CMC2: variants seen among roughly 807,000 people sequenced by gnomAD.
CMC2 encodes the protein COX assembly mitochondrial protein 2 homolog.
Under a neutral mutation model 7.5 loss-of-function variants are expected in CMC2, and 5 were observed. That is an observed-to-expected ratio of 0.66 (90% CI 0.35 to 1.40). The LOEUF is 1.40. CMC2 is among the 40% of genes most tolerant of loss of function. The pLI is 0.04. For synonymous variants in CMC2, 37 were observed against 31.4 expected (o/e 1.18, Z -0.60); for missense variants, 115 against 92.3 (o/e 1.25, Z -1.01).
intron 2 of CMC2, among the ~76,000 whole-genome samples, chr16:80,996,754 G>A (rs913038419): frequency 5.3e-5 from 8 of 152,164 alleles, no homozygotes; most frequent in Non-Finnish European, 7.4e-5. Context: ...ATATTCAACA[G>A]CTATAAAAAT....
intron 2 of CMC2, among the ~76,000 whole-genome samples, chr16:80,987,806 G>C (rs1967655770): frequency 6.6e-6 from 1 of 152,142 alleles, no homozygotes; most frequent in Admixed American, 6.6e-5. Flanking sequence ...CAACAAAAAA[G>C]ACTAAAACAG....
chr16:80,976,152 C>A lies in CMC2; in HGVS notation c.181G>T (p.Glu61Ter). ...EYVENRTKSR[E>*]HGIAMRKKLF... ...TTCTTTCGCATTGCAATGCCATGCT[C>A]CCTGCTCTTGGTCCTGTTTTCTACG... The change falls in exon 4 of 4, where the codon GAG becomes TAG. Residue 61 changes from glutamate (E) to a stop codon, truncating the protein, a stop_gained. Transcript: ENST00000219400. LOFTEE classifies it high-confidence loss of function. The A allele has an allele frequency of 6.2e-7, 1 of 1,606,924 alleles. No homozygotes were observed.
At chr16:80,996,548 T>G (rs1968429613) in intron 2 of CMC2, among the ~76,000 whole-genome samples, 2 of 152,204 alleles carry the variant, frequency 1.3e-5, no homozygotes, top group South Asian at 4.1e-4. Flanking sequence ...ATATCTGACT[T>G]CACATTTTAT....
chr16:80,980,096 ATTTC>A (rs150362503), intron 3 of CMC2, among the ~76,000 whole-genome samples: 3 of 151,758 alleles, frequency 2.0e-5, no homozygotes, highest in Admixed American at 6.6e-5. Flanking sequence ...ATTTTAAGAG[ATTTC>A]TTTGAGACAG....
At chr16:80,978,504 C>T (rs1966869655) in intron 3 of CMC2, 2 of 536,080 alleles carry the variant, frequency 3.7e-6, no homozygotes, top group Admixed American at 6.3e-5. Flanking sequence ...CAATTAACCC[C>T]AAACCAAACA....
At position 80,975,051 on chromosome 16, in the gene CMC2, T is replaced by C. The variant is rs1018829975; in HGVS notation, c.*1042A>G. ...CTGACACCTGACAAGATCAAGCCCC[T>C]GCTGTGACTGCAGCTGGAAGCTGCT... is the stretch of plus-strand genomic sequence containing the variant. On this transcript the variant is annotated 3_prime_UTR_variant, in exon 4 of 4. Coordinates refer to ENST00000219400, the MANE Select transcript of CMC2 (RefSeq NM_020188.5). The C allele has an allele frequency of 2.6e-5, 4 of 152,262 alleles. No homozygotes were observed. Among genetic ancestry groups the C allele is most frequent in the Non-Finnish European group, 4.4e-5 (3 of 68,072 alleles). The allele number at this position is 152,262 out of a possible 1,614,324, so 9.4% of individuals were successfully genotyped here.
intron 3 of CMC2, chr16:80,978,491 G>C (rs186581983): frequency 8.3e-6 from 6 of 723,728 alleles, no homozygotes; most frequent in East Asian, 7.0e-5. Flanking sequence ...CAGAATGAAA[G>C]GCCAATTAAC....
In CMC2 at chr16:80,967,312, CT is replaced by C. The variant is rs1460198450; in HGVS notation, c.*8780del. The C allele has an allele frequency of 6.5e-6, 1 of 152,696 alleles. No individual in the cohort carries two copies. Among genetic ancestry groups the C allele is most frequent in the Non-Finnish European group, 1.5e-5 (1 of 68,452 alleles). The allele number at this position is 152,696 out of a possible 1,614,324, so 9.5% of individuals were successfully genotyped here. ...GAGAATTTTCCTTTAATTGTATCTG[CT>C]TTGAAAAGATATCCTCGTTTTTTGT... On this transcript the variant is annotated 3_prime_UTR_variant, in exon 4 of 4. Transcript: ENST00000219400.
intron 1 of CMC2, among the ~76,000 whole-genome samples, chr16:81,005,425 A>AATAT (rs113325840): frequency 0.14 from 21,207 of 149,340 alleles, 1,622 homozygotes; most frequent in Admixed American, 0.19. Flanking sequence ...ATAAAATTTA[A>AATAT]ATATATATAT....
At chr16:80,988,626 C>A in intron 2 of CMC2, 2 of 699,602 alleles carry the variant, frequency 2.9e-6, no homozygotes, top group East Asian at 2.7e-5. Context: ...AAATTTAAGT[C>A]TCCATACGAT....
chr16:80,997,181 G>T, intron 2 of CMC2, 133 bp downstream of exon 2: 1 of 651,466 alleles, frequency 1.5e-6, no homozygotes, highest in Non-Finnish European at 2.8e-6. Flanking sequence ...CATATCAACT[G>T]CTAATCTTGA....
At chr16:80,987,543 T>C (rs1391944570) in intron 2 of CMC2, among the ~76,000 whole-genome samples, 2 of 152,228 alleles carry the variant, frequency 1.3e-5, no homozygotes, top group African/African-American at 4.8e-5. Flanking sequence ...TACCTTCAGA[T>C]GCAAAGAATA....
At chr16:80,996,006 GA>G (rs985844192) in intron 2 of CMC2, among the ~76,000 whole-genome samples, 6 of 141,256 alleles carry the variant, frequency 4.2e-5, no homozygotes, top group East Asian at 2.0e-4. Context: ...CCATTTGAAA[GA>G]AAAAAAAAAC....
chr16:80,986,735 G>C (rs755666753), intron 2 of CMC2, among the ~76,000 whole-genome samples: 2 of 152,218 alleles, frequency 1.3e-5, no homozygotes, highest in Non-Finnish European at 2.9e-5. Context: ...GATGACACTG[G>C]CTTTCAGCCA....
Position 80,996,911 on chromosome 16 carries a change from C to T in CMC2, c.81+403G>A, listed in dbSNP as rs186484472. 17 of 353,090 alleles carry T rather than the reference C, an allele frequency of 4.8e-5. No homozygotes were observed. The East Asian group carries it at 8.8e-4, about 18-fold the overall frequency. The allele number at this position is 353,090 out of a possible 1,614,324, so 21.9% of individuals were successfully genotyped here. ...CTAGTTAATGTCTAATTATATAACA[C>T]GTTTCTATTACCATTAAACACAGAA... On this transcript the variant is annotated intron_variant, in intron 2 of 3. Transcript: ENST00000219400.
chr16:80,988,916 T>C (rs1208459984), intron 2 of CMC2, among the ~76,000 whole-genome samples: 1 of 152,218 alleles, frequency 6.6e-6, no homozygotes, highest in Non-Finnish European at 1.5e-5. Context: ...TACAGGCCAG[T>C]TATTTTGCAA....
intron 1 of CMC2, chr16:80,998,806 TA>T (rs1968629164): frequency 6.6e-6 from 1 of 152,146 alleles, no homozygotes; most frequent in Admixed American, 6.5e-5. Flanking sequence ...CGCAAATCAA[TA>T]AATGTGATTC....
intron 1 of CMC2, 57 bp downstream of exon 1, chr16:81,006,677 G>T (rs914480084): frequency 8.2e-6 from 8 of 980,288 alleles, no homozygotes; most frequent in Non-Finnish European, 9.7e-6. Flanking sequence ...GCGCCATCAG[G>T]GACCTGAGGA....
At position 80,966,802 on chromosome 16, in the gene CMC2, A is replaced by C. The variant is rs546754463; in HGVS notation, c.*9291T>G. Reference sequence around the variant, plus strand: ...GTTTTAGGAATTTCTTCTTTTCTTTATATAATCACCATATAGTCATACATA... The same window carrying C: ...GTTTTAGGAATTTCTTCTTTTCTTTCTATAATCACCATATAGTCATACATA... On this transcript the variant is annotated 3_prime_UTR_variant, in exon 4 of 4. Transcript: ENST00000219400. 2 of 152,252 alleles carry C rather than the reference A, an allele frequency of 1.3e-5. No individual in the cohort carries two copies. Among genetic ancestry groups the C allele is most frequent in the South Asian group, 4.1e-4 (2 of 4,820 alleles). 9.4% of individuals were successfully genotyped at this position (152,252 alleles called of 1,614,324 possible). A position where few individuals can be genotyped will look rare whatever the true frequency, so the allele number is the denominator to read the frequency against.
Sources: gnomAD v4.1 joint callset for allele counts (sites outside exome capture counted in the v4.1 genomes callset) on GRCh38, gnomAD v4.1.1 for gene constraint, MANE v1.5 for transcripts, NCBI Gene and HGNC (gene_info 2026-07-23, HGNC 2026-07-21) for gene names.